The following PADI4 variants were observed in gnomAD, a reference collection of about 807,000 sequenced individuals.
PADI4 encodes the protein peptidyl arginine deiminase 4, also known as protein-arginine deiminase type-4.
A neutral mutation model predicts 75.0 loss-of-function variants in PADI4; 62 were observed. The ratio of observed to expected loss-of-function variants is 0.83; its 90% CI spans 0.67 to 1.02. PADI4 has a LOEUF of 1.02. Among genes scored for constraint, PADI4 ranks in the 50% least tolerant of loss-of-function variants. PADI4 has a pLI of 0.00. For missense variants in PADI4, 845 were observed against 850.5 expected (o/e 0.99, Z 0.08); for synonymous variants, 361 against 348.1 (o/e 1.04, Z -0.41).
intron 4 of PADI4, among the ~76,000 whole-genome samples, chr1:17,336,977 G>T (rs1056711909): frequency 1.3e-5 from 2 of 152,204 alleles, no homozygotes; most frequent in African/African-American, 4.8e-5. Flanking sequence ...TGCTTAATGT[G>T]CTTTAATCTC....
chr1:17,308,624 A>C, intron 1 of PADI4, among the ~76,000 whole-genome samples: 1 of 152,156 alleles, frequency 6.6e-6, no homozygotes, highest in South Asian at 2.1e-4. Flanking sequence ...AGAGTCTGTG[A>C]CTTGCTCAAG....
At position 17,351,981 on chromosome 1, in the gene PADI4, GGAGGA is replaced by G. The variant is rs1166498825; in HGVS notation, c.1156-2547_1156-2543del. ...AGGAGAGGCGGCCAGGGAGGTGATGGGAGGAGAGGCAGTCAGGGAGGTGATGGGAG... is the reference window on the plus strand; with the variant it reads ...AGGAGAGGCGGCCAGGGAGGTGATGGGAGGCAGTCAGGGAGGTGATGGGAG... On this transcript the variant is annotated intron_variant, in intron 10 of 15. Transcript: ENST00000375448. 4.4e-3 allele frequency among the ~76,000 whole-genome samples: 194 copies of G among 44,132 alleles called. 15 individuals are homozygous for G. Among genetic ancestry groups the G allele is most frequent in the African/African-American group, 0.023 (154 of 6,640 alleles). The allele number at this position is 44,132 out of a possible 152,430, so 29.0% of individuals were successfully genotyped here. A position where few individuals can be genotyped will look rare whatever the true frequency, so the allele number is the denominator to read the frequency against.
chr1:17,346,627 G>A lies in PADI4; in HGVS notation c.1047+488G>A, dbSNP rs2074520871. 6.6e-6 allele frequency among the ~76,000 whole-genome samples: 1 copy of A among 152,076 alleles called. No individual in the cohort carries two copies. Among genetic ancestry groups the A allele is most frequent in the South Asian group, 2.1e-4 (1 of 4,824 alleles). ...TGTGCCTGGAAACACATGATTACCA[G>A]TCTCTGTTTCCGTGCCACTCCCCCA... is the stretch of plus-strand genomic sequence containing the variant. On this transcript the variant is annotated intron_variant, in intron 9 of 15. Coordinates refer to ENST00000375448, the MANE Select transcript of PADI4 (RefSeq NM_012387.3). The surrounding 1 kb of genome is among the most constrained non-coding windows in gnomAD (Gnocchi z 4.3).
chr1:17,320,012 T>G (rs1267976211), intron 1 of PADI4, among the ~76,000 whole-genome samples: 1 of 152,236 alleles, frequency 6.6e-6, no homozygotes, highest in Non-Finnish European at 1.5e-5. Context: ...ACAAACTTAG[T>G]GACTTCAAAC....
chr1:17,342,406 A>G lies in PADI4; in HGVS notation c.935+4A>G. On this transcript the variant is annotated splice_donor_region_variant and intron_variant, in intron 8 of 15. Transcript: ENST00000375448. ...CGCAGGAGGTGTACGCGTGCAGGTG[A>G]GAGGTCCTGGGGTGCTGGGGTGGGT... 6.3e-7 allele frequency: 1 copy of G among 1,593,410 alleles called. No individual in the cohort carries two copies. Among genetic ancestry groups the G allele is most frequent in the Non-Finnish European group, 8.6e-7 (1 of 1,161,426 alleles).
At chr1:17,347,514 C>A (rs1031273543) in intron 9 of PADI4, among the ~76,000 whole-genome samples, 1 of 152,114 alleles carries the variant, frequency 6.6e-6, no homozygotes, top group Non-Finnish European at 1.5e-5. Context: ...CGAGCTCTGG[C>A]GCCAACAGGT....
intron 1 of PADI4, among the ~76,000 whole-genome samples, chr1:17,308,860 C>G (rs1303963656): frequency 6.6e-6 from 1 of 152,070 alleles, no homozygotes; most frequent in Non-Finnish European, 1.5e-5. Flanking sequence ...TCAGTTGCCT[C>G]ATCTGTGAAA....
At chr1:17,311,854 T>C (rs531422981) in intron 1 of PADI4, among the ~76,000 whole-genome samples, 34 of 152,282 alleles carry the variant, frequency 2.2e-4, no homozygotes, top group Middle Eastern at 3.4e-3. Flanking sequence ...CCAGTTGGCA[T>C]GACAGTGGGG....
chr1:17,335,725 G>C lies in PADI4; in HGVS notation c.341-434G>C, dbSNP rs1429592389. ...CAACACATGTCATGAAGAGCCCGTG[G>C]GGCTGGTGTCACCGCTGGGTCCCCC... On this transcript the variant is annotated intron_variant, in intron 3 of 15. Coordinates refer to ENST00000375448, the MANE Select transcript of PADI4 (RefSeq NM_012387.3). Among the ~76,000 whole-genome samples the C allele has an allele frequency of 2.6e-5, 4 of 152,354 alleles. No individual in the cohort carries two copies. In the East Asian group the frequency reaches 5.8e-4, roughly 22 times the overall value.
At chr1:17,334,953 G>A (rs886385605) in intron 3 of PADI4, among the ~76,000 whole-genome samples, 5 of 151,968 alleles carry the variant, frequency 3.3e-5, no homozygotes, top group African/African-American at 4.8e-5. Context: ...ACCAGCCTGG[G>A]CAACATAGTG....
In PADI4 at chr1:17,331,161, A is replaced by G; in HGVS notation, c.273+12A>G. On this transcript the variant is annotated intron_variant, in intron 2 of 15. Transcript: ENST00000375448. ...CAGGCGACCAGAAGGTGAGTGTCATAGCTGTGGGGTGGCAGTGTGGATGGG... is the reference window on the plus strand; with the variant it reads ...CAGGCGACCAGAAGGTGAGTGTCATGGCTGTGGGGTGGCAGTGTGGATGGG... 1 of 1,605,260 alleles carries G rather than the reference A, an allele frequency of 6.2e-7. No individual in the cohort carries two copies. The highest frequency in any genetic ancestry group is 2.3e-5 in the East Asian group (1 of 44,154).
intron 1 of PADI4, among the ~76,000 whole-genome samples, chr1:17,313,498 CAA>C (rs71014933): frequency 7.6e-3 from 516 of 68,340 alleles, no homozygotes; most frequent in African/African-American, 0.03. Flanking sequence ...AAGACCTTGT[CAA>C]AAAAAAAAAA....
rs1468057896 is a variant in PADI4, at chr1:17,363,915, T to C, written c.*160T>C. ...CTCCTGTGATGTCCCAGTTTCCCAC[T>C]CTGAAGATCCCAACATGGTCCTAGC... On this transcript the variant is annotated 3_prime_UTR_variant, in exon 16 of 16. Coordinates refer to ENST00000375448, the MANE Select transcript of PADI4 (RefSeq NM_012387.3). 6 of 592,718 alleles carry C rather than the reference T, an allele frequency of 1.0e-5. No homozygotes were observed. Among genetic ancestry groups the C allele is most frequent in the Non-Finnish European group, 1.5e-5 (5 of 327,442 alleles). 36.7% of individuals were successfully genotyped at this position (592,718 alleles called of 1,614,324 possible).
chr1:17,311,777 G>A (rs1211610865), intron 1 of PADI4, among the ~76,000 whole-genome samples: 17 of 151,942 alleles, frequency 1.1e-4, no homozygotes, highest in Admixed American at 2.6e-4. Flanking sequence ...CACCCGCCTC[G>A]GCCTCCCAAA....
chr1:17,347,157 G>A lies in PADI4; in HGVS notation c.1048-784G>A, dbSNP rs541680233. Among the ~76,000 whole-genome samples, 28 of 152,034 alleles carry A rather than the reference G, an allele frequency of 1.8e-4. No homozygotes were observed. The South Asian group carries it at 1.9e-3, about 10-fold the overall frequency. On this transcript the variant is annotated intron_variant, in intron 9 of 15. Transcript: ENST00000375448. The stretch of plus-strand genomic sequence containing the variant: ...TCTCCGTGTTGGTCAGGCTGGTCTC[G>A]AACTCCTGACCTCAGGTGATCCACC...
chr1:17,330,208 G>A (rs969565657), intron 1 of PADI4, among the ~76,000 whole-genome samples: 1 of 152,136 alleles, frequency 6.6e-6, no homozygotes, highest in African/African-American at 2.4e-5. Flanking sequence ...AAACCCTTCA[G>A]GTCAGGGGAT....
At chr1:17,336,951 C>T (rs1321844949) in intron 4 of PADI4, among the ~76,000 whole-genome samples, 1 of 152,214 alleles carries the variant, frequency 6.6e-6, no homozygotes, top group African/African-American at 2.4e-5. Flanking sequence ...ACTATTAGAT[C>T]CCTACAGGGT....
At position 17,356,030 on chromosome 1, in the gene PADI4, C is replaced by A. The variant is rs1170103074; in HGVS notation, c.1358C>A (p.Ala453Asp). The A allele has an allele frequency of 2.5e-6, 4 of 1,613,854 alleles. No homozygotes were observed. In the African/African-American group the frequency reaches 5.3e-5, roughly 22 times the overall value. Residue 453 changes from alanine to aspartate, a missense_variant, in exon 12 of 16, where the codon GCC becomes GAC. By Grantham distance (126) the Ala-to-Asp change is moderately radical (BLOSUM62 -2). Coordinates refer to ENST00000375448, the MANE Select transcript of PADI4 (RefSeq NM_012387.3). The surrounding 1 kb of genome is among the most constrained non-coding windows in gnomAD (Gnocchi z 4.1). ...MHQALQDFLS[A>D]QQVQAPVKLY... The stretch of plus-strand genomic sequence containing the variant: ...CAGGCCCTGCAGGACTTCCTCAGTG[C>A]CCAGCAGGTGCAGGCCCCTGTGAAG...
At chr1:17,318,364 C>T (rs976186673) in intron 1 of PADI4, among the ~76,000 whole-genome samples, 1 of 152,212 alleles carries the variant, frequency 6.6e-6, no homozygotes, top group South Asian at 2.1e-4. Flanking sequence ...CAATGGCTCA[C>T]TCATAGGATG....
Sources: gnomAD v4.1 joint callset for allele counts (sites outside exome capture counted in the v4.1 genomes callset) on GRCh38, gnomAD v4.1.1 for gene constraint, Gnocchi (gnomAD v3.1) non-coding constraint, MANE v1.5 for transcripts, NCBI Gene and HGNC (gene_info 2026-07-23, HGNC 2026-07-21) for gene names.